PTPRT: variants seen among roughly 807,000 people sequenced by gnomAD.
The protein encoded by PTPRT is protein tyrosine phosphatase receptor type T.
PTPRT carries 56 observed loss-of-function variants against 176.8 expected under a neutral mutation model. That is an observed-to-expected ratio of 0.32 (90% CI 0.26 to 0.40). PTPRT has a LOEUF of 0.40. Ranked by LOEUF, PTPRT falls within the 10% of genes least tolerant of loss-of-function variation. The probability of loss-of-function intolerance (pLI) is 1.00; values close to 1 mark genes in which losing one functional copy is unlikely to be tolerated. For missense variants in PTPRT, 1,540 were observed against 1,908.2 expected (o/e 0.81, Z 3.60); for synonymous variants, 783 against 739.0 (o/e 1.06, Z -0.96).
At chr20:42,122,130 T>C (rs879691097) in intron 19 of PTPRT, among the ~76,000 whole-genome samples, 1 of 152,180 alleles carries the variant, frequency 6.6e-6, no homozygotes, top group Admixed American at 6.5e-5. Flanking sequence ...GTGCAATACA[T>C]ACAGTAACAA....
chr20:42,633,944 TA>T (rs2074491182), intron 7 of PTPRT, among the ~76,000 whole-genome samples: 2 of 47,308 alleles, frequency 4.2e-5, no homozygotes, highest in African/African-American at 1.6e-4. Context: ...TAATATAATA[TA>T]ATATATAATT....
intron 12 of PTPRT, among the ~76,000 whole-genome samples, chr20:42,303,268 C>T (rs2057496442): frequency 1.3e-5 from 2 of 152,148 alleles, no homozygotes; most frequent in South Asian, 4.1e-4. Flanking sequence ...TAATCAAAGG[C>T]CAATTTATTA....
At chr20:42,722,046 C>A (rs1157357765) in intron 6 of PTPRT, among the ~76,000 whole-genome samples, 4 of 152,188 alleles carry the variant, frequency 2.6e-5, no homozygotes, top group Non-Finnish European at 5.9e-5. Context: ...CCCTTCCTTG[C>A]AGCATCTAGC....
In PTPRT at chr20:42,612,094, C is replaced by T. The variant is rs1600470098; in HGVS notation, c.1153+65772G>A. The stretch of plus-strand genomic sequence containing the variant: ...GTCAGCACCTGCTGGACCCACCCAT[C>T]TCCTGACTCTTCCCCTTCCCCACCA... On this transcript the variant is annotated intron_variant, in intron 7 of 30. Transcript: ENST00000373187. Among the ~76,000 whole-genome samples, 6 of 152,262 alleles carry T rather than the reference C, an allele frequency of 3.9e-5. 1 individual carries two copies. The South Asian group carries it at 1.2e-3, about 32-fold the overall frequency.
intron 12 of PTPRT, among the ~76,000 whole-genome samples, chr20:42,312,399 A>C (rs1012703042): frequency 4.6e-5 from 7 of 152,174 alleles, no homozygotes; most frequent in African/African-American, 1.7e-4. Context: ...GATATGGAAA[A>C]ATTTGAGAGG....
chr20:42,063,376 G>C, the PTPRT span: 2 of 152,230 alleles, frequency 1.3e-5, no homozygotes, highest in African/African-American at 4.8e-5. Context: ...TGGATGCCAA[G>C]CTGTCTGGGT....
At chr20:42,550,152 A>G (rs534094238) in intron 7 of PTPRT, among the ~76,000 whole-genome samples, 14 of 152,012 alleles carry the variant, frequency 9.2e-5, no homozygotes, top group Non-Finnish European at 1.8e-4. Context: ...ACTCTCCTCC[A>G]TGTTATCCTG....
intron 1 of PTPRT, among the ~76,000 whole-genome samples, chr20:42,899,425 C>A (rs2079361537): frequency 6.6e-6 from 1 of 152,202 alleles, no homozygotes; most frequent in Admixed American, 6.5e-5. Context: ...TGCTGTTCCC[C>A]CATGGAACAC....
chr20:42,120,059 G>T lies in PTPRT; in HGVS notation c.2848-88C>A, dbSNP rs77380339. The T allele has an allele frequency of 5.6e-6, 7 of 1,254,440 alleles. No homozygotes were observed. The African/African-American group carries it at 9.2e-5, about 16-fold the overall frequency. 77.7% of individuals were successfully genotyped at this position (1,254,440 alleles called of 1,614,324 possible). A position where few individuals can be genotyped will look rare whatever the true frequency, so the allele number is the denominator to read the frequency against. Reference sequence around the variant, plus strand: ...TTAATAAACATCCTCTCCAAGTCTTGATTTTCTCATGGGCAAAATGAGAAC... The same window carrying T: ...TTAATAAACATCCTCTCCAAGTCTTTATTTTCTCATGGGCAAAATGAGAAC... On this transcript the variant is annotated intron_variant, in intron 19 of 30. Transcript: ENST00000373187.
chr20:42,248,564 C>T (rs1221499424), intron 14 of PTPRT, 123 bp downstream of exon 14: 2 of 1,284,284 alleles, frequency 1.6e-6, no homozygotes, highest in African/African-American at 1.5e-5. Context: ...TATTTCCGGA[C>T]CTCAATGGTT....
intron 11 of PTPRT, among the ~76,000 whole-genome samples, chr20:42,338,371 T>C (rs902820459): frequency 6.6e-5 from 10 of 152,166 alleles, no homozygotes; most frequent in African/African-American, 2.4e-4. Flanking sequence ...GAGAGGCCAA[T>C]GAGAGAACTC....
rs114040781 is a variant in PTPRT at position 42,945,982 on chromosome 20, A to G, written c.89-60050T>C. 3.2e-3 allele frequency among the ~76,000 whole-genome samples: 484 copies of G among 152,240 alleles called. 4 individuals are homozygous for G. The highest frequency in any genetic ancestry group is 0.011 in the African/African-American group (454 of 41,554). Reference sequence around the variant, plus strand: ...CATATCATATACATGGAATCATACAATACGCAACCTTCTGTGTTGGGCTTC... The same window carrying G: ...CATATCATATACATGGAATCATACAGTACGCAACCTTCTGTGTTGGGCTTC... On this transcript the variant is annotated intron_variant, in intron 1 of 30. Coordinates refer to ENST00000373187, the MANE Select transcript of PTPRT (RefSeq NM_007050.6).
At chr20:42,198,000 A>G (rs983375661) in intron 16 of PTPRT, among the ~76,000 whole-genome samples, 1 of 152,166 alleles carries the variant, frequency 6.6e-6, no homozygotes, top group African/African-American at 2.4e-5. Context: ...CAAAATCCAT[A>G]TCCCTCAGTT....
intron 16 of PTPRT, among the ~76,000 whole-genome samples, chr20:42,178,800 A>AC (rs1374684399): frequency 6.6e-6 from 1 of 152,130 alleles, no homozygotes; most frequent in Non-Finnish European, 1.5e-5. Context: ...TTCATGGGCT[A>AC]CTGCAGTATG....
At chr20:42,094,804 C>T (rs944474610) in intron 27 of PTPRT, among the ~76,000 whole-genome samples, 17 of 152,114 alleles carry the variant, frequency 1.1e-4, no homozygotes, top group African/African-American at 3.1e-4. Flanking sequence ...GCAGGAGAAT[C>T]GCTTGAACCC....
At chr20:43,137,145 ACCT>A (rs758807770) in intron 1 of PTPRT, among the ~76,000 whole-genome samples, 7 of 152,148 alleles carry the variant, frequency 4.6e-5, no homozygotes, top group Non-Finnish European at 8.8e-5. Flanking sequence ...ATCTAGTCCA[ACCT>A]CCTCCTGAGG....
At chr20:42,630,234 A>T (rs907820388) in intron 7 of PTPRT, among the ~76,000 whole-genome samples, 1 of 152,140 alleles carries the variant, frequency 6.6e-6, no homozygotes, top group South Asian at 2.1e-4. Context: ...AGCTAGAAAA[A>T]GTCAGCCGAC....
chr20:42,783,359 G>A (rs563909834), intron 3 of PTPRT, among the ~76,000 whole-genome samples: 23 of 137,616 alleles, frequency 1.7e-4, no homozygotes, highest in African/African-American at 6.2e-4. Flanking sequence ...ATGTGTAAAG[G>A]ACTCTTGAGA....
intron 1 of PTPRT, among the ~76,000 whole-genome samples, chr20:43,091,631 C>A (rs771761137): frequency 1.3e-5 from 2 of 151,682 alleles, no homozygotes; most frequent in Admixed American, 6.6e-5. Flanking sequence ...TTTCCACATA[C>A]CTATTATTTT....
Sources: allele counts gnomAD v4.1 joint callset (sites outside exome capture counted in the v4.1 genomes callset), GRCh38; gene constraint gnomAD v4.1.1; transcripts MANE v1.5; gene names NCBI Gene and HGNC (gene_info 2026-07-23, HGNC 2026-07-21).